Variants in OSBPL3 observed in about 807,000 individuals in gnomAD.
OSBPL3 encodes oxysterol-binding protein-related protein 3.
In OSBPL3, 65 loss-of-function variants were observed where a neutral mutation model predicts 120.1. The observed-to-expected ratio is 0.54, with a 90% CI of 0.44 to 0.67. OSBPL3 has a LOEUF of 0.67. OSBPL3 is among the 30% of genes least tolerant of loss of function. The pLI is 0.00. For missense variants in OSBPL3, 1,004 were observed against 1,082.1 expected (o/e 0.93, Z 1.01); for synonymous variants, 416 against 402.6 (o/e 1.03, Z -0.40).
intron 16 of OSBPL3, among the ~76,000 whole-genome samples, chr7:24,825,256 A>T (rs988305131): frequency 3.3e-5 from 5 of 152,234 alleles, no homozygotes; most frequent in Admixed American, 2.0e-4. Context: ...GACCAGCATC[A>T]CATGGGAGAG....
At position 24,892,517 on chromosome 7, in the gene OSBPL3, A is replaced by C; in HGVS notation, c.-45T>G. On this transcript the variant is annotated 5_prime_UTR_variant, in exon 2 of 23. Coordinates refer to ENST00000313367, the MANE Select transcript of OSBPL3 (RefSeq NM_015550.4). ...CTCGAGACAATCAAAATGCCATCAG[A>C]TGACAAGGGAGCCGAGAGTATGGAA... is the stretch of plus-strand genomic sequence containing the variant. 1 of 1,597,054 alleles carries C rather than the reference A, an allele frequency of 6.3e-7. No homozygotes were observed. Among genetic ancestry groups the C allele is most frequent in the South Asian group, 1.1e-5 (1 of 89,708 alleles).
intron 19 of OSBPL3, among the ~76,000 whole-genome samples, chr7:24,814,483 C>T (rs1186382450): frequency 6.6e-6 from 1 of 151,770 alleles, no homozygotes; most frequent in Non-Finnish European, 1.5e-5. Flanking sequence ...GTCTGGTAAA[C>T]CATACCTAAT....
intron 1 of OSBPL3, among the ~76,000 whole-genome samples, chr7:24,929,976 G>A (rs1413739465): frequency 2.0e-5 from 3 of 152,220 alleles, no homozygotes; most frequent in African/African-American, 4.8e-5. Flanking sequence ...AATCCCCAAA[G>A]TTAGTCTTCA....
intron 12 of OSBPL3, among the ~76,000 whole-genome samples, chr7:24,842,872 T>C (rs1358248843): frequency 6.6e-6 from 1 of 152,236 alleles, no homozygotes; most frequent in Non-Finnish European, 1.5e-5. Context: ...ATATGCTGCT[T>C]TTGAGGTGTC....
At position 24,979,985 on chromosome 7, in the gene OSBPL3, C is replaced by A. The variant is rs1220799576; in HGVS notation, c.-249G>T. On this transcript the variant is annotated 5_prime_UTR_variant, in exon 1 of 23. Transcript: ENST00000313367. ...GAAGGCAACCCCGGCTTCTCCGGTA[C>A]CCCCGCAACGTGCAGCTGACAGCTC... is the stretch of plus-strand genomic sequence containing the variant. The A allele has an allele frequency of 4.1e-6, 4 of 985,244 alleles. No homozygotes were observed. In the African/African-American group the frequency reaches 5.2e-5, roughly 13 times the overall value. 61.0% of individuals were successfully genotyped at this position (985,244 alleles called of 1,614,324 possible).
Position 24,804,169 on chromosome 7 carries a change from C to T in OSBPL3, c.2567+146G>A. On this transcript the variant is annotated intron_variant, in intron 22 of 22. Transcript: ENST00000313367. The surrounding 1 kb of genome is among the most constrained non-coding windows in gnomAD (Gnocchi z 5.4). ...TAAGTGCGGGGGACAGGGCCTGGCA[C>T]AGAGGAGCAGTACCCCCACGTGGAA... 1.1e-6 allele frequency: 1 copy of T among 913,632 alleles called. No homozygotes were observed. The highest frequency in any genetic ancestry group is 1.7e-6 in the Non-Finnish European group (1 of 586,542). 56.6% of individuals were successfully genotyped at this position (913,632 alleles called of 1,614,324 possible).
rs546494730 is a variant in OSBPL3, at chr7:24,900,340, A to C, written c.-149-7719T>G. On this transcript the variant is annotated intron_variant, in intron 1 of 22. Coordinates refer to ENST00000313367, the MANE Select transcript of OSBPL3 (RefSeq NM_015550.4). This position sits in a 1 kb window ranked among gnomAD's most constrained non-coding sequence, Gnocchi z 4.5. ...GTTTTATTTAACTTTGTTATTTAGA[A>C]GTTTGGTGATGTTTTTGTGACCAGA... is the stretch of plus-strand genomic sequence containing the variant. Among the ~76,000 whole-genome samples, 10 of 152,316 alleles carry C rather than the reference A, an allele frequency of 6.6e-5. No individual in the cohort carries two copies. The highest frequency in any genetic ancestry group is 2.4e-4 in the African/African-American group (10 of 41,580).
At chr7:24,897,104 G>A (rs1016028462) in intron 1 of OSBPL3, among the ~76,000 whole-genome samples, 2 of 149,762 alleles carry the variant, frequency 1.3e-5, no homozygotes, top group Non-Finnish European at 2.9e-5. Context: ...GAGGAAGGAA[G>A]GCAGGCAGGC....
chr7:24,923,809 G>C (rs1810709327), intron 1 of OSBPL3, among the ~76,000 whole-genome samples: 1 of 152,130 alleles, frequency 6.6e-6, no homozygotes, highest in South Asian at 2.1e-4. Flanking sequence ...AGGCCCTCCT[G>C]TGTCACAGCA....
At chr7:24,826,649 G>A (rs1795744247) in intron 16 of OSBPL3, among the ~76,000 whole-genome samples, 1 of 152,120 alleles carries the variant, frequency 6.6e-6, no homozygotes, top group Non-Finnish European at 1.5e-5. Context: ...GCCTGTAACT[G>A]ATCCCTGCCT....
In OSBPL3 at chr7:24,802,712, A is replaced by G. The variant is rs1397763939; in HGVS notation, c.2567+1603T>C. Among the ~76,000 whole-genome samples, 2 of 152,230 alleles carry G rather than the reference A, an allele frequency of 1.3e-5. No homozygotes were observed. The highest frequency in any genetic ancestry group is 4.8e-5 in the African/African-American group (2 of 41,454). On this transcript the variant is annotated intron_variant, in intron 22 of 22. Transcript: ENST00000313367. The surrounding 1 kb of genome is among the most constrained non-coding windows in gnomAD (Gnocchi z 4.1). Reference sequence around the variant, plus strand: ...AATGATCCTAAAAAGTACTGTAATGAACATCTTCATAATTGTACATTTTTC... The same window carrying G: ...AATGATCCTAAAAAGTACTGTAATGGACATCTTCATAATTGTACATTTTTC...
rs375974296 is a variant in OSBPL3, at chr7:24,830,870, T to C, written c.1782A>G (p.Ala594=). 3.8e-5 allele frequency: 62 copies of C among 1,613,232 alleles called. No homozygotes were observed. Among genetic ancestry groups the C allele is most frequent in the Admixed American group, 8.4e-5 (5 of 59,836 alleles). ...TGCTTCCAGCTCGGTAGTAGCTAGA[T>C]GCATACGCTGATATGGCAAAGGCTG... ...YVAAFAISAY[A]SSYYRAGSKP... is the part of the protein sequence containing the mutation. Residue 594 remains alanine, a synonymous_variant, in exon 16 of 23, where the codon GCA becomes GCG. Transcript: ENST00000313367. The surrounding 1 kb of genome is among the most constrained non-coding windows in gnomAD (Gnocchi z 4.4).
intron 1 of OSBPL3, among the ~76,000 whole-genome samples, chr7:24,926,262 G>A (rs773968198): frequency 1.3e-5 from 2 of 152,118 alleles, no homozygotes; most frequent in Non-Finnish European, 2.9e-5. Flanking sequence ...CCCTGATCAA[G>A]TTTCTTTAGT....
intron 2 of OSBPL3, among the ~76,000 whole-genome samples, chr7:24,876,001 C>A (rs1191308875): frequency 6.6e-6 from 1 of 152,090 alleles, no homozygotes; most frequent in Non-Finnish European, 1.5e-5. Context: ...TTAATATTTT[C>A]TTGTAAGTAA....
At chr7:24,903,959 T>C (rs1159754113) in intron 1 of OSBPL3, among the ~76,000 whole-genome samples, 1 of 150,160 alleles carries the variant, frequency 6.7e-6, no homozygotes, top group Non-Finnish European at 1.5e-5. Flanking sequence ...CTCGGCTCAC[T>C]GCAACCTCTG....
intron 2 of OSBPL3, among the ~76,000 whole-genome samples, chr7:24,888,128 A>C (rs1804801284): frequency 6.6e-6 from 1 of 152,194 alleles, no homozygotes; most frequent in African/African-American, 2.4e-5. Flanking sequence ...GAGTGGATAC[A>C]CGTATGATAC....
At chr7:24,954,457 C>T (rs1420919163) in intron 1 of OSBPL3, among the ~76,000 whole-genome samples, 3 of 152,108 alleles carry the variant, frequency 2.0e-5, no homozygotes, top group Non-Finnish European at 4.4e-5. Context: ...ATAATCATAT[C>T]CACGAGAGAC....
Position 24,815,929 on chromosome 7 carries a change from G to A in OSBPL3, c.2027+681C>T, listed in dbSNP as rs1461269767. Among the ~76,000 whole-genome samples the A allele has an allele frequency of 6.6e-6, 1 of 152,144 alleles. No individual in the cohort carries two copies. Among genetic ancestry groups the A allele is most frequent in the Non-Finnish European group, 1.5e-5 (1 of 68,030 alleles). ...CAGAGTCCCTGCTCAGAAGCATCTT[G>A]CTTTATAAATAAGTATCAATCATCC... On this transcript the variant is annotated intron_variant, in intron 18 of 22. Coordinates refer to ENST00000313367, the MANE Select transcript of OSBPL3 (RefSeq NM_015550.4). This position sits in a 1 kb window ranked among gnomAD's most constrained non-coding sequence, Gnocchi z 5.1.
chr7:24,902,053 A>G (rs1490282209), intron 1 of OSBPL3, among the ~76,000 whole-genome samples: 1 of 152,240 alleles, frequency 6.6e-6, no homozygotes, highest in Non-Finnish European at 1.5e-5. Flanking sequence ...GCAAGTTTTT[A>G]GTCTCTCTAG....
Sources: gnomAD v4.1 joint callset for allele counts (sites outside exome capture counted in the v4.1 genomes callset) on GRCh38, gnomAD v4.1.1 for gene constraint, Gnocchi (gnomAD v3.1) non-coding constraint, MANE v1.5 for transcripts, NCBI Gene and HGNC (gene_info 2026-07-23, HGNC 2026-07-21) for gene names.